EEF1AKMT3: variants seen among roughly 807,000 people sequenced by gnomAD.
EEF1AKMT3 encodes eEF1A-KMT3.
A neutral mutation model predicts 17.8 loss-of-function variants in EEF1AKMT3; 17 were observed. The observed-to-expected ratio is 0.96, with a 90% CI of 0.65 to 1.43. EEF1AKMT3 has a LOEUF of 1.43. Among genes scored for constraint, EEF1AKMT3 ranks in the 40% most tolerant of loss-of-function variants. EEF1AKMT3 has a pLI of 0.00. For missense variants in EEF1AKMT3, 244 were observed against 285.8 expected, an observed-to-expected ratio of 0.85 and a Z score of 1.06; for synonymous variants, 116 against 126.5, an observed-to-expected ratio of 0.92 and a Z score of 0.56.
rs116818517 is a variant in EEF1AKMT3 at position 57,772,696 on chromosome 12, G to T, written c.-29G>T. ...GATCCGGGATCTGAGCGCCGGCCGC[G>T]GTGCCCAGGCACTCCCTTGGCGGGC... On this transcript the variant is annotated 5_prime_UTR_variant, in exon 1 of 3. Transcript: ENST00000300209. The surrounding 1 kb of genome is among the most constrained non-coding windows in gnomAD (Gnocchi z 4.1). 1.6e-3 allele frequency: 2,548 copies of T among 1,594,234 alleles called. 44 individuals are homozygous for T. The African/African-American group carries it at 0.03, about 19-fold the overall frequency.
Position 57,772,614 on chromosome 12 carries a change from G to A in EEF1AKMT3, c.-111G>A. On this transcript the variant is annotated 5_prime_UTR_variant, in exon 1 of 3. Transcript: ENST00000300209. The surrounding 1 kb of genome is among the most constrained non-coding windows in gnomAD (Gnocchi z 4.1). ...AGGAGGGCAAACTCAGGGAGGCGGGGCTCGTTCCACAGGGACACCACGACG... is the reference window on the plus strand; with the variant it reads ...AGGAGGGCAAACTCAGGGAGGCGGGACTCGTTCCACAGGGACACCACGACG... 8.3e-7 allele frequency: 1 copy of A among 1,199,030 alleles called. No individual in the cohort carries two copies. Among genetic ancestry groups the A allele is most frequent in the Non-Finnish European group, 1.1e-6 (1 of 874,400 alleles). 74.3% of individuals were successfully genotyped at this position (1,199,030 alleles called of 1,614,324 possible). A position where few individuals can be genotyped will look rare whatever the true frequency, so the allele number is the denominator to read the frequency against.
At chr12:57,775,731 T>C (rs1278178823) in intron 2 of EEF1AKMT3, among the ~76,000 whole-genome samples, 1 of 152,204 alleles carries the variant, frequency 6.6e-6, no homozygotes, top group African/African-American at 2.4e-5. Context: ...AAGCTTCTTC[T>C]GGGGAAGTGT....
intron 2 of EEF1AKMT3, among the ~76,000 whole-genome samples, chr12:57,779,378 G>C (rs990627944): frequency 6.6e-6 from 1 of 152,018 alleles, no homozygotes; most frequent in African/African-American, 2.4e-5. Flanking sequence ...GCTCTGTGAG[G>C]GGGGATTCTT....
At chr12:57,775,970 C>T (rs1333353651) in intron 2 of EEF1AKMT3, among the ~76,000 whole-genome samples, 1 of 152,224 alleles carries the variant, frequency 6.6e-6, no homozygotes, top group African/African-American at 2.4e-5. Context: ...GTCCAAACCA[C>T]CACGATCACT....
At chr12:57,773,381 C>T (rs1453111015) in intron 2 of EEF1AKMT3, among the ~76,000 whole-genome samples, 1 of 151,664 alleles carries the variant, frequency 6.6e-6, no homozygotes, top group Non-Finnish European at 1.5e-5. Context: ...TCAGGCAGGC[C>T]TATAAGAAGG....
intron 2 of EEF1AKMT3, among the ~76,000 whole-genome samples, chr12:57,773,453 G>T (rs1955459343): frequency 6.6e-6 from 1 of 151,588 alleles, no homozygotes; most frequent in African/African-American, 2.4e-5. Flanking sequence ...TTGAGACGGA[G>T]TCTCACTGTG....
chr12:57,781,612 T>C lies in EEF1AKMT3; in HGVS notation c.*966T>C, dbSNP rs74539975. On this transcript the variant is annotated 3_prime_UTR_variant, in exon 3 of 3. Transcript: ENST00000300209. ...TTAGAGCCTTGATCACGGAACATCATTGTGTGCAGAAGAATACTGTACCTA... is the reference window on the plus strand; with the variant it reads ...TTAGAGCCTTGATCACGGAACATCACTGTGTGCAGAAGAATACTGTACCTA... 9.7e-3 allele frequency: 1,484 copies of C among 152,284 alleles called. 14 individuals are homozygous for C. The highest frequency in any genetic ancestry group is 0.017 in the Non-Finnish European group (1,140 of 68,016). The allele number at this position is 152,284 out of a possible 1,614,324, so 9.4% of individuals were successfully genotyped here. A position where few individuals can be genotyped will look rare whatever the true frequency, so the allele number is the denominator to read the frequency against.
At chr12:57,777,643 C>T (rs1362573821) in intron 2 of EEF1AKMT3, among the ~76,000 whole-genome samples, 1 of 152,190 alleles carries the variant, frequency 6.6e-6, no homozygotes, top group Non-Finnish European at 1.5e-5. Context: ...ATGTGAGTGC[C>T]CCAGGGCTCA....
rs1955522586 is a variant in EEF1AKMT3, at chr12:57,782,402, A to G, written c.*1756A>G. On this transcript the variant is annotated 3_prime_UTR_variant, in exon 3 of 3. Coordinates refer to ENST00000300209, the MANE Select transcript of EEF1AKMT3 (RefSeq NM_015433.3). The stretch of plus-strand genomic sequence containing the variant: ...CAATAAATATTTACTCGCTTTGTTT[A>G]ATGGATTCCACCCCTGCCTTCCTAG... The G allele has an allele frequency of 9.2e-6, 2 of 216,696 alleles. No homozygotes were observed. The highest frequency in any genetic ancestry group is 1.4e-4 in the South Asian group (2 of 14,420). The allele number at this position is 216,696 out of a possible 1,614,324, so 13.4% of individuals were successfully genotyped here.
intron 2 of EEF1AKMT3, among the ~76,000 whole-genome samples, chr12:57,779,095 A>C (rs1370168963): frequency 6.6e-6 from 1 of 152,048 alleles, no homozygotes; most frequent in African/African-American, 2.4e-5. Flanking sequence ...ACTCAATTTA[A>C]AATTTCATTC....
chr12:57,775,030 G>A lies in EEF1AKMT3; in HGVS notation c.289+1902G>A, dbSNP rs537723374. 3.1e-4 allele frequency among the ~76,000 whole-genome samples: 46 copies of A among 150,490 alleles called. 1 individual carries two copies. The highest frequency in any genetic ancestry group is 1.1e-3 in the African/African-American group (45 of 40,936). On this transcript the variant is annotated intron_variant, in intron 2 of 2. Transcript: ENST00000300209. ...TGAGAAAGGAGAATTGCTTGAACCC[G>A]GGAGGCGGAGGTTGCAGTGAGCCAA...
chr12:57,773,405 G>A lies in EEF1AKMT3; in HGVS notation c.289+277G>A, dbSNP rs969384186. ...CCTATAAGAAGGAGTTGTTTCTATC[G>A]TGTTGCTTTTTTTTTGTTTTTAATT... is the stretch of plus-strand genomic sequence containing the variant. On this transcript the variant is annotated intron_variant, in intron 2 of 2. Coordinates refer to ENST00000300209, the MANE Select transcript of EEF1AKMT3 (RefSeq NM_015433.3). Among the ~76,000 whole-genome samples the A allele has an allele frequency of 3.5e-5, 5 of 142,098 alleles. No individual in the cohort carries two copies. In the South Asian group the frequency reaches 1.1e-3, roughly 32 times the overall value. The allele number at this position is 142,098 out of a possible 152,430, so 93.2% of individuals were successfully genotyped here.
At chr12:57,779,499 T>C (rs906165226) in intron 2 of EEF1AKMT3, among the ~76,000 whole-genome samples, 43 of 152,114 alleles carry the variant, frequency 2.8e-4, no homozygotes, top group Non-Finnish European at 4.4e-5. Flanking sequence ...ATCATAGTCA[T>C]CATGATTATG....
intron 2 of EEF1AKMT3, chr12:57,774,779 G>A (rs1179389496): frequency 1.3e-6 from 2 of 1,595,750 alleles, no homozygotes; most frequent in Admixed American, 1.7e-5. Flanking sequence ...TGAGGAGGAG[G>A]TGAACAGTGT....
In EEF1AKMT3 at chr12:57,782,509, C is replaced by T; in HGVS notation, c.*1863C>T. Reference sequence around the variant, plus strand: ...CATAAATGGATAATGAATATAAATGCGCATTGAAAATAAACATAAAATGTT... The same window carrying T: ...CATAAATGGATAATGAATATAAATGTGCATTGAAAATAAACATAAAATGTT... On this transcript the variant is annotated 3_prime_UTR_variant, in exon 3 of 3. Coordinates refer to ENST00000300209, the MANE Select transcript of EEF1AKMT3 (RefSeq NM_015433.3). 2.3e-6 allele frequency: 1 copy of T among 435,366 alleles called. No homozygotes were observed. Among genetic ancestry groups the T allele is most frequent in the Non-Finnish European group, 4.1e-6 (1 of 241,980 alleles). 27.0% of individuals were successfully genotyped at this position (435,366 alleles called of 1,614,324 possible). A position where few individuals can be genotyped will look rare whatever the true frequency, so the allele number is the denominator to read the frequency against.
chr12:57,780,690 A>T lies in EEF1AKMT3; in HGVS notation c.*44A>T. On this transcript the variant is annotated 3_prime_UTR_variant, in exon 3 of 3. Coordinates refer to ENST00000300209, the MANE Select transcript of EEF1AKMT3 (RefSeq NM_015433.3). ...TCTCAATCTCTTGCTCTAATGAAGG[A>T]ACTGTGTATCTCAAAAACCATATTT... The T allele has an allele frequency of 6.3e-7, 1 of 1,593,312 alleles. No individual in the cohort carries two copies. The highest frequency in any genetic ancestry group is 8.5e-7 in the Non-Finnish European group (1 of 1,177,738).
At position 57,772,625 on chromosome 12, in the gene EEF1AKMT3, A is replaced by T; in HGVS notation, c.-100A>T. 3 of 1,317,012 alleles carry T rather than the reference A, an allele frequency of 2.3e-6. No individual in the cohort carries two copies. The highest frequency in any genetic ancestry group is 3.1e-6 in the Non-Finnish European group (3 of 975,868). The allele number at this position is 1,317,012 out of a possible 1,614,324, so 81.6% of individuals were successfully genotyped here. A position where few individuals can be genotyped will look rare whatever the true frequency, so the allele number is the denominator to read the frequency against. On this transcript the variant is annotated 5_prime_UTR_variant, in exon 1 of 3. Coordinates refer to ENST00000300209, the MANE Select transcript of EEF1AKMT3 (RefSeq NM_015433.3). This position sits in a 1 kb window ranked among gnomAD's most constrained non-coding sequence, Gnocchi z 4.1. ...CTCAGGGAGGCGGGGCTCGTTCCAC[A>T]GGGACACCACGACGGCTCGCGGCCC...
intron 2 of EEF1AKMT3, 27 bp from the exon 3 acceptor site, chr12:57,780,228 G>A: frequency 5.6e-6 from 9 of 1,606,496 alleles, no homozygotes; most frequent in African/African-American, 1.3e-5. Context: ...CCTCTGACTT[G>A]CATTTTTCCT....
intron 2 of EEF1AKMT3, 45 bp from the exon 3 acceptor site, chr12:57,780,210 G>C (rs748767814): frequency 6.2e-7 from 1 of 1,601,132 alleles, no homozygotes; most frequent in Non-Finnish European, 8.5e-7. Flanking sequence ...AAGAACCCTT[G>C]GTTGGTTCCT....
Sources: gnomAD v4.1 joint callset for allele counts (sites outside exome capture counted in the v4.1 genomes callset) on GRCh38, gnomAD v4.1.1 for gene constraint, Gnocchi (gnomAD v3.1) non-coding constraint, MANE v1.5 for transcripts, NCBI Gene and HGNC (gene_info 2026-07-23, HGNC 2026-07-21) for gene names.